Variants in CEBPZOS observed in about 807,000 individuals in gnomAD.
The protein encoded by CEBPZOS is CEBPZ opposite strand.
In CEBPZOS, 10 loss-of-function variants were observed where a neutral mutation model predicts 4.8. The ratio of observed to expected loss-of-function variants is 2.07; its 90% CI spans 1.28 to 3.52. The LOEUF is 3.52. Among genes scored for constraint, CEBPZOS ranks in the 30% most tolerant of loss-of-function variants. The probability of loss-of-function intolerance (pLI) is 0.00; values close to 1 mark genes in which losing one functional copy is unlikely to be tolerated. For synonymous variants in CEBPZOS, 25 were observed against 14.2 expected (o/e 1.77, Z -1.72); for missense variants, 98 against 43.6 (o/e 2.25, Z -3.51).
downstream of CEBPZOS, chr2:37,215,513 C>CT (rs1215640823): frequency 1.3e-5 from 2 of 152,394 alleles, no homozygotes; most frequent in African/African-American, 4.8e-5. Flanking sequence ...AACTTACTAA[C>CT]TGTGGGTAAG....
rs765833535 is a variant in CEBPZOS at position 37,203,021 on chromosome 2, G to C, written c.*1161G>C. 2.0e-5 allele frequency: 30 copies of C among 1,500,718 alleles called. No homozygotes were observed. The highest frequency in any genetic ancestry group is 2.6e-5 in the Non-Finnish European group (29 of 1,112,990). The allele number at this position is 1,500,718 out of a possible 1,614,324, so 93.0% of individuals were successfully genotyped here. On this transcript the variant is annotated 3_prime_UTR_variant, in exon 5 of 5. Coordinates refer to ENST00000402297, the MANE Select transcript of CEBPZOS (RefSeq NM_001322374.2). ...TTTTTTCTTGGCCCTAAAAAAAATT[G>C]TAAGTCTACATTATTCAATTATAAA... is the stretch of plus-strand genomic sequence containing the variant.
At chr2:37,212,313 G>A (rs1334762860) in intron 4 of CEBPZOS, 22 of 1,602,662 alleles carry the variant, frequency 1.4e-5, no homozygotes, top group Non-Finnish European at 1.8e-5. Flanking sequence ...AAAATAGGAA[G>A]GAGAAGATAG....
chr2:37,202,031 A>C lies in CEBPZOS; in HGVS notation c.*171A>C. On this transcript the variant is annotated 3_prime_UTR_variant, in exon 5 of 5. Coordinates refer to ENST00000402297, the MANE Select transcript of CEBPZOS (RefSeq NM_001322374.2). ...CCTGTGGTTTCCCACCCACTATACA[A>C]ACCCACTGCTTGTTTGTTGCTTTTC... The C allele has an allele frequency of 8.0e-6, 5 of 628,650 alleles. No individual in the cohort carries two copies. The highest frequency in any genetic ancestry group is 1.1e-5 in the Non-Finnish European group (4 of 379,398). 38.9% of individuals were successfully genotyped at this position (628,650 alleles called of 1,614,324 possible).
At chr2:37,208,141 G>A (rs984268495), downstream of CEBPZOS, among the ~76,000 whole-genome samples, 7 of 152,046 alleles carry the variant, frequency 4.6e-5, no homozygotes, top group South Asian at 2.1e-4. Flanking sequence ...CAAGTAGCAC[G>A]ACTGAAACAG....
intron 2 of CEBPZOS, 53 bp downstream of exon 2, chr2:37,199,872 C>A: frequency 1.5e-6 from 1 of 685,294 alleles, no homozygotes; most frequent in Non-Finnish European, 2.7e-6. Flanking sequence ...TTTTGCTAAT[C>A]CATTTTATGT....
chr2:37,201,644 T>A lies in CEBPZOS; in HGVS notation c.163T>A (p.Tyr55Asn), dbSNP rs1313318933. 1.4e-6 allele frequency: 1 copy of A among 732,700 alleles called. No individual in the cohort carries two copies. The highest frequency in any genetic ancestry group is 2.4e-6 in the Non-Finnish European group (1 of 409,188). 45.4% of individuals were successfully genotyped at this position (732,700 alleles called of 1,614,324 possible). A position where few individuals can be genotyped will look rare whatever the true frequency, so the allele number is the denominator to read the frequency against. ...ATGAGAGCTATTTTTATTTATAGTT[T>A]ATTACAAATCCACTGAGAAGTCTGG... ...SKKYPFILEV[Y>N]YKSTEKSGMY... Residue 55 changes from tyrosine (Y) to asparagine (N), a missense_variant and splice_region_variant, in exon 4 of 5, where the codon TAT (tyrosine) becomes AAT (asparagine). Transcript: ENST00000402297.
At chr2:37,210,133 T>C (rs1357206461) in intron 4 of CEBPZOS, 1 of 152,160 alleles carries the variant, frequency 6.6e-6, no homozygotes, top group East Asian at 1.9e-4. Context: ...ATTTCAGATG[T>C]TGGCATGGAT....
At chr2:37,205,788 C>T (rs751483515), downstream of CEBPZOS, among the ~76,000 whole-genome samples, 2 of 152,318 alleles carry the variant, frequency 1.3e-5, no homozygotes, top group South Asian at 4.1e-4. Flanking sequence ...TCACCTGATA[C>T]AGCACTTTTT....
At chr2:37,209,802 G>T (rs901913276) in intron 4 of CEBPZOS, 5 of 152,144 alleles carry the variant, frequency 3.3e-5, no homozygotes, top group Non-Finnish European at 1.5e-5. Context: ...AAGCTAAAAA[G>T]CGTCTGCATA....
downstream of CEBPZOS, among the ~76,000 whole-genome samples, chr2:37,204,961 A>G (rs1256440425): frequency 6.6e-6 from 1 of 152,208 alleles, no homozygotes; most frequent in Non-Finnish European, 1.5e-5. Context: ...GCTCAGTAGA[A>G]CTTGAAGTAA....
downstream of CEBPZOS, chr2:37,213,865 A>T: frequency 6.3e-7 from 1 of 1,596,928 alleles, no homozygotes; most frequent in Non-Finnish European, 8.6e-7. Flanking sequence ...ACAAATTACC[A>T]ATCAGCTCTT....
chr2:37,202,833 G>A lies in CEBPZOS; in HGVS notation c.*973G>A. The A allele has an allele frequency of 6.2e-7, 1 of 1,600,694 alleles. No homozygotes were observed. On this transcript the variant is annotated 3_prime_UTR_variant, in exon 5 of 5. Coordinates refer to ENST00000402297, the MANE Select transcript of CEBPZOS (RefSeq NM_001322374.2). ...CATTCATGCCAATGTTATCAAACTT[G>A]GATCCCATATTTTCATCCAATAGAT...
In CEBPZOS at chr2:37,201,649, C is replaced by A; in HGVS notation, c.168C>A (p.Tyr56Ter). ...AGCTATTTTTATTTATAGTTTATTA[C>A]AAATCCACTGAGAAGTCTGGAATGT... ...KKYPFILEVY[Y>*]KSTEKSGMYG... is the part of the protein sequence containing the mutation. Residue 56 changes from tyrosine to a stop codon, truncating the protein, a stop_gained, in exon 4 of 5, where the codon TAC becomes TAA. Coordinates refer to ENST00000402297, the MANE Select transcript of CEBPZOS (RefSeq NM_001322374.2). LOFTEE classifies it high-confidence loss of function. The A allele has an allele frequency of 2.7e-6, 2 of 741,638 alleles. No individual in the cohort carries two copies. Among genetic ancestry groups the A allele is most frequent in the Non-Finnish European group, 4.8e-6 (2 of 415,444 alleles). The allele number at this position is 741,638 out of a possible 1,614,324, so 45.9% of individuals were successfully genotyped here.
At chr2:37,216,017 A>G, downstream of CEBPZOS, 1 of 689,746 alleles carries the variant, frequency 1.4e-6, no homozygotes, top group South Asian at 2.8e-5. Context: ...TTGGGAAAAA[A>G]GATGGATAAT....
Position 37,201,092 on chromosome 2 carries a change from G to A in CEBPZOS, c.160G>A (p.Val54Ile), listed in dbSNP as rs891395332. The change falls in exon 3 of 5, where the codon GTT becomes ATT. Residue 54 changes from valine (V) to isoleucine (I), a missense_variant and splice_region_variant. Coordinates refer to ENST00000402297, the MANE Select transcript of CEBPZOS (RefSeq NM_001322374.2). The part of the protein sequence containing the change: ...MSKKYPFILE[V>I]YYKSTEKSGM... ...CAAGAAATATCCCTTCATCTTGGAA[G>A]GTATGTTTTTCCTTAAGTAAAAATA... The A allele has an allele frequency of 7.0e-6, 5 of 714,250 alleles. No homozygotes were observed. The highest frequency in any genetic ancestry group is 1.8e-5 in the African/African-American group (1 of 57,116). The allele number at this position is 714,250 out of a possible 1,614,324, so 44.2% of individuals were successfully genotyped here. A position where few individuals can be genotyped will look rare whatever the true frequency, so the allele number is the denominator to read the frequency against.
chr2:37,212,242 C>T lies in CEBPZOS; in HGVS notation c.*3-1195C>T, dbSNP rs932751695. On this transcript the variant is annotated intron_variant, in intron 4 of 4. Transcript: ENST00000397064. Reference sequence around the variant, plus strand: ...CCCAAACTTACTTGACTACATTTCCCCTTTATCATATAGTTCTGTGGTCTA... The same window carrying T: ...CCCAAACTTACTTGACTACATTTCCTCTTTATCATATAGTTCTGTGGTCTA... The T allele has an allele frequency of 6.8e-6, 8 of 1,175,508 alleles. No homozygotes were observed. The African/African-American group carries it at 1.2e-4, about 18-fold the overall frequency. The allele number at this position is 1,175,508 out of a possible 1,614,324, so 72.8% of individuals were successfully genotyped here.
downstream of CEBPZOS, chr2:37,209,726 TAA>T (rs1423713820): frequency 2.0e-5 from 3 of 152,266 alleles, no homozygotes; most frequent in East Asian, 3.9e-4. Flanking sequence ...GACATTGGCT[TAA>T]GTAGAGTTCA....
Position 37,201,970 on chromosome 2 carries a change from T to C in CEBPZOS, c.*110T>C, listed in dbSNP as rs770848482. 6.8e-7 allele frequency: 1 copy of C among 1,473,666 alleles called. No homozygotes were observed. The highest frequency in any genetic ancestry group is 9.2e-7 in the Non-Finnish European group (1 of 1,084,742). 91.3% of individuals were successfully genotyped at this position (1,473,666 alleles called of 1,614,324 possible). A position where few individuals can be genotyped will look rare whatever the true frequency, so the allele number is the denominator to read the frequency against. ...AGACTCTTGGTGGTCCCACAGAACA[T>C]GCTGCTGAGTCACAGGAACTTCTAG... is the stretch of plus-strand genomic sequence containing the variant. On this transcript the variant is annotated 3_prime_UTR_variant, in exon 5 of 5. Coordinates refer to ENST00000402297, the MANE Select transcript of CEBPZOS (RefSeq NM_001322374.2).
intron 3 of CEBPZOS, 130 bp downstream of exon 3, chr2:37,201,222 A>T: frequency 3.3e-6 from 2 of 614,414 alleles, no homozygotes; most frequent in Middle Eastern, 4.1e-4. Flanking sequence ...TCTGAGACTA[A>T]ATTCTCATCT....
Sources: allele counts gnomAD v4.1 joint callset (sites outside exome capture counted in the v4.1 genomes callset), GRCh38; gene constraint gnomAD v4.1.1; transcripts MANE v1.5; gene names NCBI Gene and HGNC (gene_info 2026-07-23, HGNC 2026-07-21).